The following SLC23A2 variants were observed in gnomAD, a reference collection of about 807,000 sequenced individuals.
The protein encoded by SLC23A2 is solute carrier family 23 member 2.
In SLC23A2, 36 loss-of-function variants were observed where a neutral mutation model predicts 73.3. That is an observed-to-expected ratio of 0.49 (90% CI 0.38 to 0.65). The LOEUF (loss-of-function observed/expected upper bound fraction) is 0.65, where lower values mean the gene tolerates loss of function less well. Among genes scored for constraint, SLC23A2 ranks in the 30% least tolerant of loss-of-function variants. The pLI, the probability that SLC23A2 is intolerant of heterozygous loss-of-function variation, is 0.00. For missense variants in SLC23A2, 507 were observed against 841.6 expected, an observed-to-expected ratio of 0.60 and a Z score of 4.92; for synonymous variants, 343 against 327.3, an observed-to-expected ratio of 1.05 and a Z score of -0.52.
At chr20:4,929,610 G>A (rs971691691) in intron 3 of SLC23A2, among the ~76,000 whole-genome samples, 18 of 152,234 alleles carry the variant, frequency 1.2e-4, no homozygotes, top group Admixed American at 3.9e-4. Context: ...GTATATCAGG[G>A]TTCCCAATGA....
chr20:4,863,977 T>A lies in SLC23A2; in HGVS notation c.1357-1070A>T, dbSNP rs143508679. Among the ~76,000 whole-genome samples, 68 of 152,254 alleles carry A rather than the reference T, an allele frequency of 4.5e-4. No individual in the cohort carries two copies. Among genetic ancestry groups the A allele is most frequent in the African/African-American group, 1.5e-3 (62 of 41,546 alleles). ...TCATGGGTTGGGATGGCCCTCTGTG[T>A]CTCAACGCAAAGGCCACACTTTGCC... On this transcript the variant is annotated intron_variant, in intron 13 of 16. Coordinates refer to ENST00000338244, the MANE Select transcript of SLC23A2 (RefSeq NM_005116.6). This position sits in a 1 kb window ranked among gnomAD's most constrained non-coding sequence, Gnocchi z 4.8.
intron 4 of SLC23A2, among the ~76,000 whole-genome samples, chr20:4,905,659 G>A (rs1600119173): frequency 6.6e-6 from 1 of 152,252 alleles, no homozygotes; most frequent in East Asian, 1.9e-4. Context: ...TATCTCCTCT[G>A]CGGTTATTTA....
Position 4,998,496 on chromosome 20 carries a change from C to T in SLC23A2, c.-282+2910G>A, listed in dbSNP as rs1568663119. On this transcript the variant is annotated intron_variant, in intron 1 of 16. Transcript: ENST00000338244. This position sits in a 1 kb window ranked among gnomAD's most constrained non-coding sequence, Gnocchi z 4.1. Reference sequence around the variant, plus strand: ...TAGCGCACAAAGGGCTCGTTTCAACCTAGAGGCTGCAATGCACAGCTTAAC... The same window carrying T: ...TAGCGCACAAAGGGCTCGTTTCAACTTAGAGGCTGCAATGCACAGCTTAAC... 6.6e-6 allele frequency among the ~76,000 whole-genome samples: 1 copy of T among 152,020 alleles called. No homozygotes were observed. Among genetic ancestry groups the T allele is most frequent in the Non-Finnish European group, 1.5e-5 (1 of 68,004 alleles).
chr20:4,893,071 T>C (rs1415344839), intron 6 of SLC23A2, among the ~76,000 whole-genome samples: 1 of 141,838 alleles, frequency 7.1e-6, no homozygotes, highest in East Asian at 2.1e-4. Flanking sequence ...GCAACTTTAC[T>C]TTTTTTTTTT....
At chr20:4,953,346 T>C (rs2087233027) in intron 2 of SLC23A2, among the ~76,000 whole-genome samples, 1 of 151,488 alleles carries the variant, frequency 6.6e-6, no homozygotes, top group South Asian at 2.1e-4. Context: ...AAAAAAGAAA[T>C]GTAATTAAAT....
At chr20:4,979,651 T>G (rs1005665934) in intron 1 of SLC23A2, among the ~76,000 whole-genome samples, 11 of 152,222 alleles carry the variant, frequency 7.2e-5, no homozygotes, top group Non-Finnish European at 1.5e-4. Context: ...AGGTGGCAGC[T>G]GATTGTTCCA....
intron 1 of SLC23A2, among the ~76,000 whole-genome samples, chr20:5,006,968 T>TGA (rs1454603526): frequency 6.6e-6 from 1 of 151,756 alleles, no homozygotes. Flanking sequence ...TGTGTGTGTG[T>TGA]GTGTGTGTGC....
intron 1 of SLC23A2, among the ~76,000 whole-genome samples, chr20:4,988,194 CAGGAGG>C (rs574406459): frequency 1.9e-4 from 29 of 151,586 alleles, no homozygotes; most frequent in African/African-American, 6.8e-4. Context: ...CCCAGCTACT[CAGGAGG>C]CTGAGGCAGG....
chr20:4,920,725 A>G (rs1486932909), intron 3 of SLC23A2, among the ~76,000 whole-genome samples: 1 of 152,200 alleles, frequency 6.6e-6, no homozygotes, highest in East Asian at 1.9e-4. Context: ...AGATCTGTAG[A>G]TACAGACACT....
rs935871837 is a variant in SLC23A2 at position 4,863,124 on chromosome 20, C to T, written c.1357-217G>A. On this transcript the variant is annotated intron_variant, in intron 13 of 16. Transcript: ENST00000338244. The surrounding 1 kb of genome is among the most constrained non-coding windows in gnomAD (Gnocchi z 4.8). ...CTCCCTGCACTCAGGCCTCAGGGCT[C>T]TACTGCCCTGGCACAGTCATGGGTT... Among the ~76,000 whole-genome samples the T allele has an allele frequency of 6.6e-6, 1 of 152,182 alleles. No homozygotes were observed. Among genetic ancestry groups the T allele is most frequent in the South Asian group, 2.1e-4 (1 of 4,828 alleles).
chr20:4,925,761 T>C (rs1228535293), intron 3 of SLC23A2, among the ~76,000 whole-genome samples: 1 of 152,194 alleles, frequency 6.6e-6, no homozygotes, highest in Admixed American at 6.5e-5. Flanking sequence ...GACACTGCCA[T>C]GCACACCCTC....
At chr20:4,984,546 C>CT (rs34444485) in intron 1 of SLC23A2, among the ~76,000 whole-genome samples, 59,522 of 151,104 alleles carry the variant, frequency 0.39, 12,675 homozygotes, top group East Asian at 0.6. Flanking sequence ...GAGCAAGACT[C>CT]TGTCTCAAAA....
At chr20:4,992,700 G>C (rs1462309551) in intron 1 of SLC23A2, among the ~76,000 whole-genome samples, 1 of 151,484 alleles carries the variant, frequency 6.6e-6, no homozygotes, top group Non-Finnish European at 1.5e-5. Flanking sequence ...AGTAGAGACG[G>C]GGTTTCTCCA....
rs1173066846 is a variant in SLC23A2, at chr20:4,861,990, G to T, written c.1582C>A (p.Leu528Ile). 1 of 1,614,032 alleles carries T rather than the reference G, an allele frequency of 6.2e-7. No homozygotes were observed. The highest frequency in any genetic ancestry group is 2.2e-5 in the East Asian group (1 of 44,892). The change falls in exon 15 of 17, where the codon CTC (leucine) becomes ATC (isoleucine). Residue 528 changes from leucine (L) to isoleucine (I), a missense_variant. Coordinates refer to ENST00000338244, the MANE Select transcript of SLC23A2 (RefSeq NM_005116.6). ...TGTCTGAGGTAACTTGGAAGGACGA[G>T]CCCAAAGAAGATCGAAAATCCAAGC... ...FVLGFSIFFG[L>I]VLPSYLRQNP...
intron 2 of SLC23A2, among the ~76,000 whole-genome samples, chr20:4,935,748 G>A (rs929475711): frequency 3.3e-5 from 5 of 151,842 alleles, no homozygotes; most frequent in African/African-American, 4.8e-5. Flanking sequence ...GCAGTGAGCC[G>A]AGATCATACC....
At chr20:4,864,659 G>GAT (rs1381088389) in intron 13 of SLC23A2, among the ~76,000 whole-genome samples, 1 of 152,224 alleles carries the variant, frequency 6.6e-6, no homozygotes, top group Non-Finnish European at 1.5e-5. Context: ...TGAATGCAAA[G>GAT]ATGAATAAGT....
At chr20:4,956,799 TC>T (rs2087295568) in intron 2 of SLC23A2, among the ~76,000 whole-genome samples, 1 of 144,006 alleles carries the variant, frequency 6.9e-6, no homozygotes, top group African/African-American at 2.6e-5. Flanking sequence ...CCTTCCCTCT[TC>T]TTTTTTTTTT....
At position 4,872,979 on chromosome 20, in the gene SLC23A2, C is replaced by A. The variant is rs1930505830; in HGVS notation, c.1102+957G>T. 6.6e-6 allele frequency among the ~76,000 whole-genome samples: 1 copy of A among 152,216 alleles called. No individual in the cohort carries two copies. The highest frequency in any genetic ancestry group is 1.5e-5 in the Non-Finnish European group (1 of 68,038). On this transcript the variant is annotated intron_variant, in intron 11 of 16. Transcript: ENST00000338244. This position sits in a 1 kb window ranked among gnomAD's most constrained non-coding sequence, Gnocchi z 4.4. Reference sequence around the variant, plus strand: ...ATGTTGGCCAGGCTGGTCTTGAACTCCTGACCTCGGGTGATCCTCCTGCCT... The same window carrying A: ...ATGTTGGCCAGGCTGGTCTTGAACTACTGACCTCGGGTGATCCTCCTGCCT...
At chr20:4,930,189 G>A (rs6139581) in intron 3 of SLC23A2, among the ~76,000 whole-genome samples, 1 of 152,172 alleles carries the variant, frequency 6.6e-6, no homozygotes, top group East Asian at 1.9e-4. Flanking sequence ...GAAAGTGAAG[G>A]GAAGTGAGAG....
Sources: allele counts gnomAD v4.1 joint callset (sites outside exome capture counted in the v4.1 genomes callset), GRCh38; gene constraint gnomAD v4.1.1; non-coding constraint Gnocchi (gnomAD v3.1); transcripts MANE v1.5; gene names NCBI Gene and HGNC (gene_info 2026-07-23, HGNC 2026-07-21).